PIGL: variants seen among roughly 807,000 people sequenced by gnomAD.
The protein encoded by PIGL is phosphatidylinositol glycan anchor biosynthesis class L.
PIGL carries 22 observed loss-of-function variants against 31.1 expected under a neutral mutation model. The observed-to-expected ratio is 0.71, with a 90% CI of 0.51 to 1.01. The LOEUF is 1.01. Among genes scored for constraint, PIGL ranks in the 50% least tolerant of loss-of-function variants. PIGL has a pLI of 0.00. For missense variants in PIGL, 302 were observed against 315.9 expected (o/e 0.96, Z 0.33); for synonymous variants, 131 against 117.4 (o/e 1.12, Z -0.75).
intron 6 of PIGL, among the ~76,000 whole-genome samples, chr17:16,318,117 ATATATGC>A (rs1290094240): frequency 6.6e-6 from 1 of 152,224 alleles, no homozygotes; most frequent in Non-Finnish European, 1.5e-5. Context: ...TATAAAAATA[ATATATGC>A]TTTTTCTAAA....
chr17:16,225,172 G>A (rs2092646476), intron 1 of PIGL, among the ~76,000 whole-genome samples: 1 of 152,006 alleles, frequency 6.6e-6, no homozygotes, highest in Admixed American at 6.6e-5. Flanking sequence ...GTTCTTATGT[G>A]TAGACATTCC....
chr17:16,299,873 G>A lies in PIGL; in HGVS notation c.336-15G>A, dbSNP rs1197314771. 6.3e-7 allele frequency: 1 copy of A among 1,595,782 alleles called. No individual in the cohort carries two copies. On this transcript the variant is annotated splice_polypyrimidine_tract_variant and intron_variant, in intron 2 of 6. Coordinates refer to ENST00000225609, the MANE Select transcript of PIGL (RefSeq NM_004278.4). ...TGATTAGAAAAGGTGTTCAAGTTGTGCTTCTCTCTTGTAGGGATTTCCCAG... is the reference window on the plus strand; with the variant it reads ...TGATTAGAAAAGGTGTTCAAGTTGTACTTCTCTCTTGTAGGGATTTCCCAG...
intron 2 of PIGL, among the ~76,000 whole-genome samples, chr17:16,287,098 T>TC (rs1201345250): frequency 6.6e-6 from 1 of 152,172 alleles, no homozygotes; most frequent in Non-Finnish European, 1.5e-5. Context: ...GTGGTGTGGG[T>TC]CCCTGGGGAC....
At chr17:16,269,920 C>T (rs905854207) in intron 2 of PIGL, among the ~76,000 whole-genome samples, 2 of 152,086 alleles carry the variant, frequency 1.3e-5, no homozygotes, top group African/African-American at 4.8e-5. Context: ...CATAATCTTA[C>T]ACTTCATTCA....
At chr17:16,320,390 AAG>A (rs376666886) in intron 6 of PIGL, among the ~76,000 whole-genome samples, 35 of 133,150 alleles carry the variant, frequency 2.6e-4, no homozygotes, top group East Asian at 7.7e-4. Context: ...GGAAGAAAGA[AAG>A]AGAGGGGAGG....
intron 6 of PIGL, among the ~76,000 whole-genome samples, chr17:16,320,701 C>T (rs1208325880): frequency 6.6e-6 from 1 of 152,024 alleles, no homozygotes; most frequent in East Asian, 1.9e-4. Flanking sequence ...GTGGCACAAT[C>T]TCGGCTCATT....
intron 2 of PIGL, among the ~76,000 whole-genome samples, chr17:16,285,217 G>A (rs1418362597): frequency 2.0e-5 from 3 of 152,220 alleles, no homozygotes; most frequent in African/African-American, 7.2e-5. Context: ...TTTCTGGGAA[G>A]GAGAACACAG....
chr17:16,299,178 A>G (rs2092994425), intron 2 of PIGL, among the ~76,000 whole-genome samples: 1 of 151,600 alleles, frequency 6.6e-6, no homozygotes, highest in East Asian at 2.0e-4. Flanking sequence ...ACTGTACTCC[A>G]GCCTAGGCGA....
At chr17:16,315,985 C>T (rs1412843323) in intron 4 of PIGL, among the ~76,000 whole-genome samples, 1 of 152,034 alleles carries the variant, frequency 6.6e-6, no homozygotes, top group African/African-American at 2.4e-5. Context: ...CGTGAGCCAC[C>T]GCGCCCGGCT....
intron 2 of PIGL, among the ~76,000 whole-genome samples, chr17:16,283,376 G>A (rs540984514): frequency 3.9e-5 from 6 of 152,304 alleles, no homozygotes; most frequent in East Asian, 1.9e-4. Flanking sequence ...GCTGAGGAAG[G>A]AGGATTGCCT....
At position 16,316,696 on chromosome 17, in the gene PIGL, A is replaced by C; in HGVS notation, c.510A>C (p.Glu170Asp). 1.2e-6 allele frequency: 2 copies of C among 1,606,870 alleles called. No individual in the cohort carries two copies. Among genetic ancestry groups the C allele is most frequent in the South Asian group, 1.1e-5 (1 of 90,738 alleles). ...LYAAVRALHS[E>D]GKLPKGCSVL... Reference sequence around the variant, plus strand: ...CCTCCTCCAGGGCCCTGCACTCAGAAGGGAAGTTACCTAAAGGTAAGGCTT... The same window carrying C: ...CCTCCTCCAGGGCCCTGCACTCAGACGGGAAGTTACCTAAAGGTAAGGCTT... Residue 170 changes from glutamate to aspartate, a missense_variant, in exon 5 of 7, where the codon GAA (glutamate) becomes GAC (aspartate). Coordinates refer to ENST00000225609, the MANE Select transcript of PIGL (RefSeq NM_004278.4).
intron 6 of PIGL, among the ~76,000 whole-genome samples, chr17:16,324,770 A>T (rs1019192892): frequency 1.3e-5 from 2 of 152,224 alleles, no homozygotes; most frequent in African/African-American, 2.4e-5. Context: ...AAACAGGCAC[A>T]TCCTTTTATG....
At chr17:16,324,169 T>C (rs187270714) in intron 6 of PIGL, among the ~76,000 whole-genome samples, 40 of 151,886 alleles carry the variant, frequency 2.6e-4, no homozygotes, top group African/African-American at 9.4e-4. Context: ...TTCACCATGT[T>C]GGTCAGGCTG....
chr17:16,257,378 T>C (rs183767055), intron 2 of PIGL, among the ~76,000 whole-genome samples: 2 of 151,674 alleles, frequency 1.3e-5, no homozygotes, highest in Non-Finnish European at 2.9e-5. Context: ...GATCACACCA[T>C]TGCACTCCAG....
chr17:16,262,243 A>G (rs2092822181), intron 2 of PIGL, among the ~76,000 whole-genome samples: 1 of 152,130 alleles, frequency 6.6e-6, no homozygotes, highest in Non-Finnish European at 1.5e-5. Context: ...AGACAATCCA[A>G]TTGAAAAACA....
At chr17:16,251,108 A>C (rs2092769195) in intron 2 of PIGL, among the ~76,000 whole-genome samples, 1 of 152,184 alleles carries the variant, frequency 6.6e-6, no homozygotes, top group South Asian at 2.1e-4. Flanking sequence ...TCTTCAGGGA[A>C]GCAGATCACC....
intron 2 of PIGL, among the ~76,000 whole-genome samples, chr17:16,256,325 G>T (rs1260207099): frequency 1.3e-5 from 2 of 151,272 alleles, no homozygotes; most frequent in African/African-American, 2.5e-5. Flanking sequence ...AATATTGAGG[G>T]TTTTTTTGTT....
At chr17:16,245,504 G>GTA (rs34133338) in intron 2 of PIGL, among the ~76,000 whole-genome samples, 1,774 of 147,392 alleles carry the variant, frequency 0.012, 30 homozygotes, top group African/African-American at 0.036. Flanking sequence ...AAGCCAGGGA[G>GTA]TATATATATA....
chr17:16,286,368 G>A (rs923324262), intron 2 of PIGL, among the ~76,000 whole-genome samples: 6 of 152,212 alleles, frequency 3.9e-5, no homozygotes, highest in African/African-American at 1.4e-4. Flanking sequence ...GCTTAGCTGG[G>A]GAGAGGAAAG....
Sources: allele counts gnomAD v4.1 joint callset (sites outside exome capture counted in the v4.1 genomes callset), GRCh38; gene constraint gnomAD v4.1.1; transcripts MANE v1.5; gene names NCBI Gene and HGNC (gene_info 2026-07-23, HGNC 2026-07-21).